SBNO2: variants seen among roughly 807,000 people sequenced by gnomAD.
SBNO2 encodes the protein strawberry notch homolog 2, also known as protein strawberry notch homolog 2.
Under a neutral mutation model 146.3 loss-of-function variants are expected in SBNO2, and 89 were observed. The ratio of observed to expected loss-of-function variants is 0.61; its 90% confidence interval spans 0.51 to 0.73. The LOEUF is 0.73. Ranked by LOEUF, SBNO2 falls within the 30% of genes least tolerant of loss-of-function variation. SBNO2 has a pLI of 0.00. For synonymous variants in SBNO2, 1,147 were observed against 892.6 expected (o/e 1.29, Z -5.08); for missense variants, 2,092 against 2,003.7 (o/e 1.04, Z -0.84).
intron 2 of SBNO2, among the ~76,000 whole-genome samples, chr19:1,149,873 G>T (rs900910276): frequency 1.3e-5 from 2 of 152,238 alleles, no homozygotes; most frequent in African/African-American, 4.8e-5. Flanking sequence ...GTGGTGGAGG[G>T]TGGGTGTCGG....
chr19:1,135,097 A>C (rs2145264738), intron 4 of SBNO2, among the ~76,000 whole-genome samples: 1 of 148,576 alleles, frequency 6.7e-6, no homozygotes, highest in Non-Finnish European at 1.5e-5. Context: ...GTAGTGGCTC[A>C]CACCTGCCAT....
intron 18 of SBNO2, 98 bp from the exon 19 acceptor site, chr19:1,113,802 C>T (rs1433097357): frequency 1.4e-5 from 19 of 1,357,732 alleles, no homozygotes; most frequent in South Asian, 3.5e-5. Context: ...ACAAGGGGCC[C>T]GGGGCAACCC....
chr19:1,138,708 ACGGACACAG>A (rs2080107809), intron 4 of SBNO2, among the ~76,000 whole-genome samples: 5 of 147,362 alleles, frequency 3.4e-5, no homozygotes, highest in Admixed American at 6.7e-5. Context: ...TCCATCACAG[ACGGACACAG>A]TGGGGCCCTC....
chr19:1,142,088 A>G (rs1412057394), intron 4 of SBNO2, among the ~76,000 whole-genome samples: 1 of 149,042 alleles, frequency 6.7e-6, no homozygotes, highest in Non-Finnish European at 1.5e-5. Flanking sequence ...CCTCCTCATG[A>G]TCAACCCTCA....
At chr19:1,113,037 A>G in intron 19 of SBNO2, 88 bp from the exon 20 acceptor site, 2 of 1,430,368 alleles carry the variant, frequency 1.4e-6, no homozygotes, top group Non-Finnish European at 1.9e-6. Context: ...CCTATGTCCT[A>G]CAGTGGTCAT....
rs5826725 is a variant in SBNO2, at chr19:1,147,432, T to TGG, written c.168-14_168-13dup. The TGG allele has an allele frequency of 2.1e-3, 1,382 of 661,368 alleles. 17 individuals carry two copies. The African/African-American group carries it at 0.026, about 12-fold the overall frequency. 41.0% of individuals were successfully genotyped at this position (661,368 alleles called of 1,614,324 possible). On this transcript the variant is annotated splice_polypyrimidine_tract_variant and intron_variant, in intron 3 of 31. Coordinates refer to ENST00000361757, the MANE Select transcript of SBNO2 (RefSeq NM_014963.3). ...AGCTCATGAACGGGCTGGAGGGAGA[T>TGG]GGGGGGGGGGGAGGTGAGATGGGGT...
intron 1 of SBNO2, among the ~76,000 whole-genome samples, chr19:1,168,521 A>G (rs1319440285): frequency 6.6e-6 from 1 of 151,958 alleles, no homozygotes; most frequent in Admixed American, 6.5e-5. Flanking sequence ...CCTCACACCC[A>G]TGGGTTCCAG....
At position 1,116,978 on chromosome 19, in the gene SBNO2, T is replaced by G. The variant is rs1273053817; in HGVS notation, c.1705-52A>C. 2.0e-6 allele frequency: 3 copies of G among 1,489,834 alleles called. No individual in the cohort carries two copies. The African/African-American group carries it at 4.1e-5, about 21-fold the overall frequency. The allele number at this position is 1,489,834 out of a possible 1,614,324, so 92.3% of individuals were successfully genotyped here. A position where few individuals can be genotyped will look rare whatever the true frequency, so the allele number is the denominator to read the frequency against. On this transcript the variant is annotated intron_variant, in intron 15 of 31. Coordinates refer to ENST00000361757, the MANE Select transcript of SBNO2 (RefSeq NM_014963.3). Reference sequence around the variant, plus strand: ...CACCAGCCCTGCTGTGGGGCCTCTGTGGGGCCAGAACCTGCCAGGCCTGGG... The same window carrying G: ...CACCAGCCCTGCTGTGGGGCCTCTGGGGGGCCAGAACCTGCCAGGCCTGGG...
At chr19:1,170,947 C>G (rs2080471767) in intron 1 of SBNO2, among the ~76,000 whole-genome samples, 1 of 151,164 alleles carries the variant, frequency 6.6e-6, no homozygotes, top group South Asian at 2.1e-4. Flanking sequence ...AGCACACACA[C>G]AAAATACACA....
rs576214191 is a variant in SBNO2, at chr19:1,114,173, T to C, written c.2077+58A>G. ...GGAATCCTGACCCAGAGGTGGCTGCTCAGCCTGGACTGGAATCCTGACCCA... is the reference window on the plus strand; with the variant it reads ...GGAATCCTGACCCAGAGGTGGCTGCCCAGCCTGGACTGGAATCCTGACCCA... On this transcript the variant is annotated intron_variant, in intron 18 of 31. Transcript: ENST00000361757. 7.6e-5 allele frequency: 104 copies of C among 1,365,398 alleles called. No homozygotes were observed. The South Asian group carries it at 1.6e-3, about 21-fold the overall frequency. 84.6% of individuals were successfully genotyped at this position (1,365,398 alleles called of 1,614,324 possible).
chr19:1,111,132 C>T (rs1301170233), intron 24 of SBNO2, 39 bp from the exon 25 acceptor site: 1 of 1,530,252 alleles, frequency 6.5e-7, no homozygotes, highest in Non-Finnish European at 8.8e-7. Context: ...TCTTCCCACC[C>T]CTGCCCCTCC....
At chr19:1,152,600 AC>A (rs148652765) in intron 2 of SBNO2, among the ~76,000 whole-genome samples, 7,626 of 152,098 alleles carry the variant, frequency 0.05, 365 homozygotes, top group East Asian at 0.25. Flanking sequence ...AGGGAGGGGG[AC>A]AGGAGGGGTC....
intron 6 of SBNO2, 126 bp from the exon 7 acceptor site, chr19:1,123,765 T>C: frequency 9.2e-7 from 1 of 1,085,366 alleles, no homozygotes; most frequent in African/African-American, 1.6e-5. Flanking sequence ...GAGACGGCTC[T>C]GTCTGCCCCT....
chr19:1,116,421 C>T (rs750719232), intron 16 of SBNO2, among the ~76,000 whole-genome samples: 4 of 150,860 alleles, frequency 2.7e-5, no homozygotes, highest in Admixed American at 6.6e-5. Flanking sequence ...TGGGGAGCTC[C>T]GACCCCCAGG....
At chr19:1,171,883 C>T (rs1430025309) in intron 1 of SBNO2, among the ~76,000 whole-genome samples, 1 of 152,224 alleles carries the variant, frequency 6.6e-6, no homozygotes, top group African/African-American at 2.4e-5. Flanking sequence ...TCCTCCGCAC[C>T]TGCACACCTG....
intron 11 of SBNO2, among the ~76,000 whole-genome samples, chr19:1,120,452 T>C (rs2079887646): frequency 1.3e-5 from 2 of 152,226 alleles, no homozygotes; most frequent in African/African-American, 4.8e-5. Context: ...CTGCAACCTC[T>C]GCCTCTCAGA....
Position 1,108,292 on chromosome 19 carries a change from CG to C in SBNO2, c.4028del (p.Ala1343GlyfsTer10). 6.7e-7 allele frequency: 1 copy of C among 1,496,800 alleles called. No individual in the cohort carries two copies. The highest frequency in any genetic ancestry group is 1.2e-5 in the South Asian group (1 of 81,356). The allele number at this position is 1,496,800 out of a possible 1,614,324, so 92.7% of individuals were successfully genotyped here. A position where few individuals can be genotyped will look rare whatever the true frequency, so the allele number is the denominator to read the frequency against. On this transcript the variant is annotated frameshift_variant, in exon 32 of 32. Coordinates refer to ENST00000361757, the MANE Select transcript of SBNO2 (RefSeq NM_014963.3). LOFTEE classifies it high-confidence loss of function. ...CGCTCTGCCGCTCGGGACCACCGCC[CG>C]CCGCGCCCCCCGCCCCCGCGCCCTC... ...LGEGAGAGGA[A>X]GGGPERQSVI...
Position 1,147,397 on chromosome 19 carries a change from A to C in SBNO2, c.191T>G (p.Phe64Cys). The change falls in exon 4 of 32, where the codon TTC becomes TGC. Residue 64 changes from phenylalanine to cysteine, a missense_variant. Physicochemically the swap from Phe to Cys is radical, Grantham distance 205. Transcript: ENST00000361757. ...DSRPFMSSAS[F>C]LGSQPCPDTS... ...GTCTGGGCAGGGCTGGCTGCCGAGG[A>C]AGGAGGCGGAGCTCATGAACGGGCT... 6.8e-7 allele frequency: 1 copy of C among 1,477,844 alleles called. No homozygotes were observed. Among genetic ancestry groups the C allele is most frequent in the Non-Finnish European group, 8.9e-7 (1 of 1,118,096 alleles). 91.5% of individuals were successfully genotyped at this position (1,477,844 alleles called of 1,614,324 possible). A position where few individuals can be genotyped will look rare whatever the true frequency, so the allele number is the denominator to read the frequency against.
At chr19:1,143,781 C>T (rs113617067) in intron 4 of SBNO2, among the ~76,000 whole-genome samples, 5 of 151,684 alleles carry the variant, frequency 3.3e-5, no homozygotes, top group South Asian at 2.1e-4. Context: ...TCTCCCGTCT[C>T]GGGTCCATCA....
Sources: allele counts gnomAD v4.1 joint callset (sites outside exome capture counted in the v4.1 genomes callset), GRCh38; gene constraint gnomAD v4.1.1; transcripts MANE v1.5; gene names NCBI Gene and HGNC (gene_info 2026-07-23, HGNC 2026-07-21).